SCFD2: variants seen among roughly 807,000 people sequenced by gnomAD.
The protein encoded by SCFD2 is sec1 family domain-containing protein 2.
Under a neutral mutation model 58.9 loss-of-function variants are expected in SCFD2, and 54 were observed. The observed-to-expected ratio is 0.92, with a 90% CI of 0.74 to 1.15. SCFD2 has a LOEUF of 1.15. Among genes scored for constraint, SCFD2 ranks in the 50% most tolerant of loss-of-function variants. The probability of loss-of-function intolerance (pLI) is 0.00; values close to 1 mark genes in which losing one functional copy is unlikely to be tolerated. For missense variants in SCFD2, 805 were observed against 836.6 expected (o/e 0.96, Z 0.47); for synonymous variants, 321 against 335.9 (o/e 0.96, Z 0.49).
intron 5 of SCFD2, among the ~76,000 whole-genome samples, chr4:53,043,695 C>G (rs140477952): frequency 1.4e-4 from 21 of 152,114 alleles, no homozygotes; most frequent in Middle Eastern, 6.8e-3. Context: ...CAAGAAAAGA[C>G]TTTGTGAGGA....
chr4:53,139,617 C>T (rs1191974632), intron 5 of SCFD2, among the ~76,000 whole-genome samples: 4 of 151,210 alleles, frequency 2.6e-5, no homozygotes, highest in African/African-American at 4.9e-5. Context: ...GCTGCTGCCC[C>T]GTCTGGGAGG....
At chr4:53,095,677 C>A (rs1351716225) in intron 5 of SCFD2, among the ~76,000 whole-genome samples, 4 of 152,084 alleles carry the variant, frequency 2.6e-5, no homozygotes, top group Admixed American at 1.3e-4. Flanking sequence ...GCTTAAAATA[C>A]CCTAAGACTC....
intron 4 of SCFD2, among the ~76,000 whole-genome samples, chr4:53,262,660 GCTTTTGCTTCA>G (rs923902730): frequency 2.6e-5 from 4 of 152,290 alleles, no homozygotes; most frequent in African/African-American, 9.6e-5. Context: ...ATTACCTGAT[GCTTTTGCTTCA>G]CAGCTCTCAA....
chr4:53,241,306 C>A (rs975780173), intron 4 of SCFD2, among the ~76,000 whole-genome samples: 1 of 152,168 alleles, frequency 6.6e-6, no homozygotes, highest in African/African-American at 2.4e-5. Context: ...GATACCCATC[C>A]CCTAGGCTCA....
At chr4:53,091,430 T>C (rs1448356129) in intron 5 of SCFD2, among the ~76,000 whole-genome samples, 1 of 151,838 alleles carries the variant, frequency 6.6e-6, no homozygotes, top group African/African-American at 2.4e-5. Flanking sequence ...AAAGTAATTA[T>C]TAATGAGATT....
Position 53,267,161 on chromosome 4 carries a change from G to A in SCFD2, c.1311+6665C>T, listed in dbSNP as rs11934255. Among the ~76,000 whole-genome samples, 736 of 152,068 alleles carry A rather than the reference G, an allele frequency of 4.8e-3. 5 individuals carry two copies. The highest frequency in any genetic ancestry group is 0.017 in the African/African-American group (692 of 41,458). On this transcript the variant is annotated intron_variant, in intron 4 of 8. Transcript: ENST00000401642. ...GCCATAAAGTAAACATTGAGGTTTCGGTGATTGAGGCCTGGTAGAAAGTGG... is the reference window on the plus strand; with the variant it reads ...GCCATAAAGTAAACATTGAGGTTTCAGTGATTGAGGCCTGGTAGAAAGTGG...
At chr4:53,277,969 C>T (rs1209892270) in intron 3 of SCFD2, among the ~76,000 whole-genome samples, 1 of 151,880 alleles carries the variant, frequency 6.6e-6, no homozygotes, top group Non-Finnish European at 1.5e-5. Flanking sequence ...AGGAGAATGG[C>T]GTGAACCCGG....
intron 5 of SCFD2, among the ~76,000 whole-genome samples, chr4:53,069,584 A>G (rs1408628622): frequency 6.6e-6 from 1 of 152,162 alleles, no homozygotes; most frequent in East Asian, 1.9e-4. Flanking sequence ...GTGGTGGAAA[A>G]AAGAAAGAAT....
intron 7 of SCFD2, among the ~76,000 whole-genome samples, chr4:52,903,001 T>C (rs1419211367): frequency 6.6e-6 from 1 of 152,186 alleles, no homozygotes; most frequent in East Asian, 1.9e-4. Flanking sequence ...AAAATAAAGA[T>C]GTTAAATAGG....
chr4:52,944,883 A>G (rs1424316557), intron 5 of SCFD2, among the ~76,000 whole-genome samples: 1 of 152,202 alleles, frequency 6.6e-6, no homozygotes, highest in African/African-American at 2.4e-5. Flanking sequence ...CTACTCAGAG[A>G]TAATCAAACC....
chr4:53,174,433 GCAGT>G (rs1418464213), intron 4 of SCFD2, among the ~76,000 whole-genome samples: 1 of 152,068 alleles, frequency 6.6e-6, no homozygotes, highest in Non-Finnish European at 1.5e-5. Flanking sequence ...CATCTGAAAA[GCAGT>G]CAAAGAAAAA....
intron 5 of SCFD2, among the ~76,000 whole-genome samples, chr4:52,961,881 G>T (rs539553393): frequency 6.6e-6 from 1 of 152,280 alleles, no homozygotes; most frequent in African/African-American, 2.4e-5. Flanking sequence ...ATAAGCAGAA[G>T]GCAGTTATAG....
At chr4:53,256,022 C>A (rs1394026518) in intron 4 of SCFD2, among the ~76,000 whole-genome samples, 20 of 148,778 alleles carry the variant, frequency 1.3e-4, no homozygotes, top group Admixed American at 1.3e-3. Flanking sequence ...GGGGGTCTGA[C>A]CCCCCACCTC....
At position 53,147,541 on chromosome 4, in the gene SCFD2, C is replaced by T. The variant is rs148832778; in HGVS notation, c.1312-1959G>A. Among the ~76,000 whole-genome samples the T allele has an allele frequency of 2.2e-4, 33 of 152,250 alleles. No homozygotes were observed. In the East Asian group the frequency reaches 6.0e-3, roughly 28 times the overall value. On this transcript the variant is annotated intron_variant, in intron 4 of 8. Coordinates refer to ENST00000401642, the MANE Select transcript of SCFD2 (RefSeq NM_152540.4). ...TGGACGAGGTAAAAATGGAAAAGAA[C>T]GCAACAGAGATTTTACTGTCACATG...
chr4:53,243,033 T>A (rs1387341929), intron 4 of SCFD2, among the ~76,000 whole-genome samples: 1 of 152,150 alleles, frequency 6.6e-6, no homozygotes, highest in African/African-American at 2.4e-5. Flanking sequence ...ATGGGGATAA[T>A]GGAAGCAACT....
chr4:52,881,800 TG>T (rs1718615742), intron 8 of SCFD2, among the ~76,000 whole-genome samples: 1 of 152,182 alleles, frequency 6.6e-6, no homozygotes, highest in African/African-American at 2.4e-5. Context: ...TATGTTGGAA[TG>T]GTACACGTAG....
chr4:53,172,690 C>T (rs1459901907), intron 4 of SCFD2, among the ~76,000 whole-genome samples: 1 of 152,170 alleles, frequency 6.6e-6, no homozygotes, highest in Non-Finnish European at 1.5e-5. Flanking sequence ...TTTATATCAT[C>T]ATAATCAGAA....
At chr4:53,057,329 A>G (rs1723373010) in intron 5 of SCFD2, among the ~76,000 whole-genome samples, 1 of 152,204 alleles carries the variant, frequency 6.6e-6, no homozygotes, top group Non-Finnish European at 1.5e-5. Context: ...CTATGCAGCC[A>G]TAAAAAGGAA....
intron 7 of SCFD2, among the ~76,000 whole-genome samples, chr4:52,906,006 T>G (rs1719339600): frequency 6.6e-6 from 1 of 152,214 alleles, no homozygotes; most frequent in Non-Finnish European, 1.5e-5. Context: ...TCAAATTTGT[T>G]ATTTAAGCCA....
Sources: allele counts gnomAD v4.1 joint callset (sites outside exome capture counted in the v4.1 genomes callset), GRCh38; gene constraint gnomAD v4.1.1; transcripts MANE v1.5; gene names NCBI Gene and HGNC (gene_info 2026-07-23, HGNC 2026-07-21).